The following MADD variants were observed in gnomAD, a reference collection of about 807,000 sequenced individuals.
MADD encodes the protein MAP kinase activating death domain, also known as MAP kinase-activating death domain protein.
MADD carries 109 observed loss-of-function variants against 176.7 expected under a neutral mutation model. The observed-to-expected ratio is 0.62, with a 90% confidence interval of 0.53 to 0.72. MADD has a LOEUF of 0.72. MADD is among the 30% of genes least tolerant of loss of function. The pLI, the probability that MADD is intolerant of heterozygous loss-of-function variation, is 0.00. For synonymous variants in MADD, 771 were observed against 771.3 expected, an observed-to-expected ratio of 1.00 and a Z score of 0.01; for missense variants, 1,914 against 2,045.5, an observed-to-expected ratio of 0.94 and a Z score of 1.24.
chr11:47,308,858 A>G lies in MADD; in HGVS notation c.3751+159A>G, dbSNP rs2085422393. ...GAAGCAAGCGACTTACTGGGTCCAG[A>G]ACAAGCAGTGGGTGAAAACTGGACA... On this transcript the variant is annotated intron_variant, in intron 23 of 32. Coordinates refer to ENST00000402192, the Ensembl canonical transcript of MADD. 16 of 1,081,400 alleles carry G rather than the reference A, an allele frequency of 1.5e-5. No homozygotes were observed. In the South Asian group the frequency reaches 1.7e-4, roughly 12 times the overall value. 67.0% of individuals were successfully genotyped at this position (1,081,400 alleles called of 1,614,324 possible).
chr11:47,310,264 C>T (rs1186501128), intron 25 of MADD, among the ~76,000 whole-genome samples: 2 of 152,020 alleles, frequency 1.3e-5, no homozygotes. Context: ...TCACCACATC[C>T]TCTGCCTCCC....
intron 21 of MADD, chr11:47,295,578 T>TG: frequency 6.2e-7 from 1 of 1,614,004 alleles, no homozygotes; most frequent in Non-Finnish European, 8.5e-7. Flanking sequence ...GTTAGCACCG[T>TG]GGTAGGGGAA....
At chr11:47,289,108 A>C in intron 15 of MADD, 81 bp downstream of exon 16, 1 of 1,365,454 alleles carries the variant, frequency 7.3e-7, no homozygotes, top group Non-Finnish European at 1.0e-6. Flanking sequence ...CATCCTTCTC[A>C]TGGAGCAAGC....
chr11:47,281,601 C>A lies in MADD; in HGVS notation c.1317C>A (p.Thr439=), dbSNP rs1301801083. ...CCTTGGCCAGCATGAGTCTCAACAC[C>A]CAGCCCATCCTCAATCTGGAGAAAT... Residue 439 remains threonine, a synonymous_variant, in exon 8 of 33, where the codon ACC becomes ACA. Coordinates refer to ENST00000402192, the Ensembl canonical transcript of MADD. The A allele has an allele frequency of 2.5e-6, 4 of 1,611,836 alleles. No homozygotes were observed. In the Admixed American group the frequency reaches 6.7e-5, roughly 27 times the overall value.
chr11:47,274,616 C>T (rs1302581308), exon 3 of MADD: 2 of 1,614,206 alleles, frequency 1.2e-6, no homozygotes, highest in Admixed American at 1.7e-5. Flanking sequence ...CGGCGATACC[C>T]CTTGGAGGAT....
chr11:47,307,376 A>C (rs868822965), intron 22 of MADD, among the ~76,000 whole-genome samples: 1 of 152,188 alleles, frequency 6.6e-6, no homozygotes, highest in Non-Finnish European at 1.5e-5. Context: ...TATTTGTTCT[A>C]TGCTGGTGAG....
chr11:47,312,731 G>A (rs1222155165), intron 26 of MADD, among the ~76,000 whole-genome samples: 1 of 152,134 alleles, frequency 6.6e-6, no homozygotes, highest in Non-Finnish European at 1.5e-5. Context: ...CACCGCACCT[G>A]GCTTACACTC....
At chr11:47,277,859 A>C (rs1282599578) in intron 5 of MADD, among the ~76,000 whole-genome samples, 1 of 152,156 alleles carries the variant, frequency 6.6e-6, no homozygotes, top group South Asian at 2.1e-4. Flanking sequence ...ATCAAGCTGC[A>C]GTTTAAAATT....
chr11:47,283,294 C>T (rs2058336390), intron 10 of MADD, among the ~76,000 whole-genome samples: 2 of 151,396 alleles, frequency 1.3e-5, no homozygotes, highest in Non-Finnish European at 1.5e-5. Context: ...GGGGTTTCAC[C>T]GTGTTAGCCA....
At chr11:47,295,363 A>G (rs147881109) in intron 20 of MADD, 133 bp from the exon 23 acceptor site, 5 of 674,236 alleles carry the variant, frequency 7.4e-6, no homozygotes, top group Middle Eastern at 2.5e-4. Flanking sequence ...TCTGGAAACA[A>G]AAGTTGCTCG....
At chr11:47,320,524 G>A (rs991533261) in intron 27 of MADD, among the ~76,000 whole-genome samples, 34 of 152,088 alleles carry the variant, frequency 2.2e-4, no homozygotes, top group Admixed American at 1.8e-3. Context: ...GTTGGCTCAC[G>A]CCTGTAATCC....
chr11:47,284,210 G>A, exon 11 of MADD: 2 of 1,614,046 alleles, frequency 1.2e-6, no homozygotes, highest in Non-Finnish European at 1.7e-6. Flanking sequence ...GACGATTCAA[G>A]CTCTTCTTAC....
In MADD at chr11:47,281,773, A is replaced by G. The variant is rs141335376; in HGVS notation, c.1469+20A>G. On this transcript the variant is annotated intron_variant, in intron 8 of 32. Coordinates refer to ENST00000402192, the Ensembl canonical transcript of MADD. ...AACCAGGTAAGACCAAGCCGACTGT[A>G]TAATCACAAGTTCTTAAATTAATTT... 157 of 1,554,060 alleles carry G rather than the reference A, an allele frequency of 1.0e-4. No homozygotes were observed. The East Asian group carries it at 3.2e-3, about 31-fold the overall frequency.
chr11:47,284,687 C>G (rs2059390939), intron 12 of MADD, 122 bp downstream of exon 12: 1 of 1,356,954 alleles, frequency 7.4e-7, no homozygotes, highest in African/African-American at 1.5e-5. Context: ...TCTTCCTCTT[C>G]ATGGGCCCTA....
chr11:47,298,503 C>T (rs1032930205), intron 22 of MADD, among the ~76,000 whole-genome samples: 3 of 152,182 alleles, frequency 2.0e-5, no homozygotes, highest in Non-Finnish European at 4.4e-5. Flanking sequence ...ATCTATTCAG[C>T]TCATTTGCCC....
In MADD at chr11:47,284,174, G is replaced by A. The variant is rs752866895; in HGVS notation, c.1863-4G>A. 1.9e-6 allele frequency: 3 copies of A among 1,601,994 alleles called. No homozygotes were observed. The South Asian group carries it at 3.3e-5, about 18-fold the overall frequency. The stretch of plus-strand genomic sequence containing the variant: ...GTTTGTTTTTTATGCACTTCACTCT[G>A]CAGTGGCAGTGATAGTATGGATTAT... On this transcript the variant is annotated splice_polypyrimidine_tract_variant and splice_region_variant and intron_variant, in intron 10 of 32. Coordinates refer to ENST00000402192, the Ensembl canonical transcript of MADD.
intron 4 of MADD, among the ~76,000 whole-genome samples, 197 bp from the exon 5 acceptor site, chr11:47,276,535 A>G (rs1458789433): frequency 6.6e-6 from 1 of 152,218 alleles, no homozygotes; most frequent in Non-Finnish European, 1.5e-5. Flanking sequence ...AGTGATTTGC[A>G]TATCTCAGGT....
exon 14 of MADD, chr11:47,285,532 C>T: frequency 6.2e-7 from 1 of 1,614,186 alleles, no homozygotes; most frequent in Non-Finnish European, 8.5e-7. Context: ...CAAGCTCTCC[C>T]AACTCCACCG....
chr11:47,329,258 C>T, exon 33 of MADD: 1 of 825,318 alleles, frequency 1.2e-6, no homozygotes. Context: ...GCTCGTGTGT[C>T]CTCTGCAAGC....
Sources: gnomAD v4.1 joint callset for allele counts (sites outside exome capture counted in the v4.1 genomes callset) on GRCh38, gnomAD v4.1.1 for gene constraint, MANE v1.5 for transcripts, NCBI Gene and HGNC (gene_info 2026-07-23, HGNC 2026-07-21) for gene names.